Variants in STARD13 observed in about 807,000 individuals in gnomAD.
The protein encoded by STARD13 is StAR related lipid transfer domain containing 13.
A neutral mutation model predicts 106.4 loss-of-function variants in STARD13; 62 were observed. The ratio of observed to expected loss-of-function variants is 0.58; its 90% confidence interval spans 0.48 to 0.72. The LOEUF (loss-of-function observed/expected upper bound fraction) is 0.72, where lower values mean the gene tolerates loss of function less well. STARD13 is among the 30% of genes least tolerant of loss of function. STARD13 has a pLI of 0.00. For synonymous variants in STARD13, 565 were observed against 553.0 expected (o/e 1.02, Z -0.31); for missense variants, 1,387 against 1,424.0 (o/e 0.97, Z 0.42).
chr13:33,416,849 G>A, the STARD13 span, among the ~76,000 whole-genome samples: 1 of 152,084 alleles, frequency 6.6e-6, no homozygotes, highest in Non-Finnish European at 1.5e-5. Context: ...AGATAAATTG[G>A]AATTTATGAA....
chr13:33,254,015 G>T (rs1246992399), intron 1 of STARD13, among the ~76,000 whole-genome samples: 2 of 152,210 alleles, frequency 1.3e-5, no homozygotes, highest in Non-Finnish European at 2.9e-5. Context: ...GCACTATTGG[G>T]ATGCACAGTC....
chr13:33,610,090 A>C, the STARD13 span, among the ~76,000 whole-genome samples: 1 of 152,242 alleles, frequency 6.6e-6, no homozygotes, highest in Admixed American at 6.5e-5. Context: ...AAATTCCTAA[A>C]GTGGCCGGTT....
chr13:33,409,024 A>G, the STARD13 span, among the ~76,000 whole-genome samples: 23 of 151,526 alleles, frequency 1.5e-4, no homozygotes, highest in African/African-American at 5.1e-4. Flanking sequence ...CTTTTGCTTG[A>G]TATTTCCATG....
At chr13:33,163,605 A>T (rs7328792) in intron 3 of STARD13, among the ~76,000 whole-genome samples, 12,306 of 97,402 alleles carry the variant, frequency 0.13, 1,059 homozygotes, top group African/African-American at 0.23. Context: ...AAAAAAAAAA[A>T]ATATATATAT....
At chr13:33,647,956 G>A in the STARD13 span, among the ~76,000 whole-genome samples, 1 of 151,988 alleles carries the variant, frequency 6.6e-6, no homozygotes, top group Admixed American at 6.6e-5. Flanking sequence ...TTTTAATATA[G>A]TCTTATCTCA....
chr13:33,518,382 A>G, the STARD13 span, among the ~76,000 whole-genome samples: 3 of 152,088 alleles, frequency 2.0e-5, no homozygotes, highest in African/African-American at 7.2e-5. Context: ...TCTAATTTCA[A>G]TATGAAGGGT....
intron 1 of STARD13, among the ~76,000 whole-genome samples, chr13:33,183,966 C>T (rs1245018069): frequency 6.6e-6 from 1 of 152,138 alleles, no homozygotes; most frequent in African/African-American, 2.4e-5. Flanking sequence ...GAAATGTAAC[C>T]ACATTCAGCT....
At chr13:33,615,733 TATC>T in the STARD13 span, among the ~76,000 whole-genome samples, 3 of 152,204 alleles carry the variant, frequency 2.0e-5, no homozygotes, top group East Asian at 1.9e-4. Context: ...GTGTTAGAGA[TATC>T]ATCATGACAT....
rs117189483 is a variant in STARD13, at chr13:33,160,283, C to T, written c.323+5054G>A. 9.9e-5 allele frequency among the ~76,000 whole-genome samples: 15 copies of T among 152,148 alleles called. No individual in the cohort carries two copies. In the East Asian group the frequency reaches 2.9e-3, roughly 29 times the overall value. On this transcript the variant is annotated intron_variant, in intron 3 of 13. Coordinates refer to ENST00000336934, the MANE Select transcript of STARD13 (RefSeq NM_178006.4). ...AATCTTGACTCACACCTTGTTCTTT[C>T]TATAAAAATGAACTAAAAATGGATC...
chr13:33,576,033 A>G, the STARD13 span, among the ~76,000 whole-genome samples: 2 of 152,132 alleles, frequency 1.3e-5, no homozygotes, highest in African/African-American at 4.8e-5. Flanking sequence ...ATCTTTTTCA[A>G]TGTATTTTGA....
chr13:33,170,589 C>T (rs1158533686), intron 1 of STARD13, among the ~76,000 whole-genome samples: 1 of 152,078 alleles, frequency 6.6e-6, no homozygotes, highest in South Asian at 2.1e-4. Context: ...AACTTTTAGA[C>T]CTCAGGCTTA....
At chr13:33,668,134 A>C in the STARD13 span, among the ~76,000 whole-genome samples, 1 of 152,210 alleles carries the variant, frequency 6.6e-6, no homozygotes, top group African/African-American at 2.4e-5. Flanking sequence ...AGGCTGCCCA[A>C]TTCGGGGATC....
At chr13:33,574,999 C>T in the STARD13 span, among the ~76,000 whole-genome samples, 1 of 149,690 alleles carries the variant, frequency 6.7e-6, no homozygotes, top group South Asian at 2.1e-4. Context: ...TCACTGCAAC[C>T]TCTGCCTCTC....
chr13:33,206,074 C>G (rs544222482), intron 1 of STARD13: 2 of 945,482 alleles, frequency 2.1e-6, no homozygotes, highest in Non-Finnish European at 2.5e-6. Context: ...GCCCCGCCTC[C>G]AGCTCTAAGA....
intron 1 of STARD13, among the ~76,000 whole-genome samples, chr13:33,200,847 C>A (rs570997207): frequency 6.6e-6 from 1 of 151,508 alleles, no homozygotes; most frequent in African/African-American, 2.4e-5. Context: ...CGGTGAAACC[C>A]GTCTCTACTA....
chr13:33,324,076 T>G (rs572073331), intron 1 of STARD13, among the ~76,000 whole-genome samples: 6 of 152,350 alleles, frequency 3.9e-5, no homozygotes, highest in African/African-American at 1.4e-4. Flanking sequence ...TTTCTCTGTA[T>G]GTAGAAGGCA....
chr13:33,226,374 T>C (rs1376149081), intron 1 of STARD13, among the ~76,000 whole-genome samples: 1 of 151,996 alleles, frequency 6.6e-6, no homozygotes, highest in Non-Finnish European at 1.5e-5. Flanking sequence ...TTAGTAAAAG[T>C]CTACTGCCAG....
the STARD13 span, among the ~76,000 whole-genome samples, chr13:33,570,810 G>A: frequency 7.2e-5 from 11 of 152,238 alleles, no homozygotes; most frequent in African/African-American, 2.6e-4. Flanking sequence ...CACATATGGA[G>A]TTCTCTACCA....
At chr13:33,619,542 G>A in the STARD13 span, among the ~76,000 whole-genome samples, 1 of 152,024 alleles carries the variant, frequency 6.6e-6, no homozygotes, top group Non-Finnish European at 1.5e-5. Flanking sequence ...CTACATTATT[G>A]TAATTCTTAG....
Sources: allele counts gnomAD v4.1 joint callset (sites outside exome capture counted in the v4.1 genomes callset), GRCh38; gene constraint gnomAD v4.1.1; transcripts MANE v1.5; gene names NCBI Gene and HGNC (gene_info 2026-07-23, HGNC 2026-07-21).